ARHGAP32: variants seen among roughly 807,000 people sequenced by gnomAD.
ARHGAP32 encodes the protein rho GTPase-activating protein 32.
Under a neutral mutation model 186.5 loss-of-function variants are expected in ARHGAP32, and 51 were observed. That is an observed-to-expected ratio of 0.27 (90% CI 0.22 to 0.35). The LOEUF (loss-of-function observed/expected upper bound fraction) is 0.35. Among genes scored for constraint, ARHGAP32 ranks in the 10% least tolerant of loss-of-function variants. ARHGAP32 has a pLI of 1.00. For synonymous variants in ARHGAP32, 950 were observed against 964.3 expected (o/e 0.99, Z 0.27); for missense variants, 2,186 against 2,623.5 (o/e 0.83, Z 3.64).
chr11:129,248,255 A>G (rs947641464), intron 1 of ARHGAP32, among the ~76,000 whole-genome samples: 16 of 151,406 alleles, frequency 1.1e-4, no homozygotes, highest in African/African-American at 3.4e-4. Flanking sequence ...TATCTGATCC[A>G]GCCTATCTGA....
intron 1 of ARHGAP32, among the ~76,000 whole-genome samples, chr11:129,222,398 G>A (rs1004463907): frequency 7.9e-5 from 12 of 152,088 alleles, no homozygotes; most frequent in Admixed American, 3.9e-4. Context: ...TAAAAAAGCC[G>A]GAGAACTTCA....
chr11:129,078,195 A>G (rs1407472858), intron 6 of ARHGAP32, among the ~76,000 whole-genome samples: 3 of 152,154 alleles, frequency 2.0e-5, no homozygotes, highest in Non-Finnish European at 4.4e-5. Flanking sequence ...GGCTAGATCC[A>G]GGAGAGCAAT....
At chr11:129,110,246 G>C (rs1197764293) in intron 5 of ARHGAP32, among the ~76,000 whole-genome samples, 1 of 151,978 alleles carries the variant, frequency 6.6e-6, no homozygotes, top group Non-Finnish European at 1.5e-5. Context: ...AAAAAAATTT[G>C]GCTGTAAACA....
intron 18 of ARHGAP32, among the ~76,000 whole-genome samples, chr11:128,979,302 A>C (rs1413120570): frequency 6.6e-6 from 1 of 152,186 alleles, no homozygotes; most frequent in African/African-American, 2.4e-5. Flanking sequence ...GCAAACAAAG[A>C]AGACAAGGAT....
At chr11:129,203,175 T>C (rs1331340930) in intron 1 of ARHGAP32, 4 of 152,216 alleles carry the variant, frequency 2.6e-5, no homozygotes, top group Non-Finnish European at 4.4e-5. Context: ...CTTTATCAGA[T>C]ACATTCGAAT....
At chr11:129,193,749 A>ATATAT, upstream of ARHGAP32, among the ~76,000 whole-genome samples, 1 of 107,076 alleles carries the variant, frequency 9.3e-6, no homozygotes, top group South Asian at 2.5e-4. Context: ...ATTATATAAT[A>ATATAT]CATATAATAC....
chr11:128,979,027 T>A (rs1945632829), intron 18 of ARHGAP32, 112 bp from the exon 19 acceptor site: 2 of 948,824 alleles, frequency 2.1e-6, no homozygotes, highest in Non-Finnish European at 3.1e-6. Flanking sequence ...GAAGCATAAG[T>A]GAAACAGTAA....
intron 10 of ARHGAP32, among the ~76,000 whole-genome samples, chr11:129,061,488 G>A (rs1404911386): frequency 6.6e-6 from 1 of 152,152 alleles, no homozygotes; most frequent in East Asian, 1.9e-4. Flanking sequence ...CACAGTAAGA[G>A]ATTCATTACA....
At chr11:129,053,494 C>A (rs978086603) in intron 10 of ARHGAP32, among the ~76,000 whole-genome samples, 1 of 152,114 alleles carries the variant, frequency 6.6e-6, no homozygotes, top group Non-Finnish European at 1.5e-5. Context: ...CTATGATTCA[C>A]ACAAGTAAAC....
In ARHGAP32 at chr11:129,123,945, A is replaced by G; in HGVS notation, c.318-16T>C. ...AGTGGTGGACCTGAACGCAGAATGA[A>G]CATTTTTATCCTTGTCTTTCCTCTA... On this transcript the variant is annotated splice_polypyrimidine_tract_variant and intron_variant, in intron 3 of 22. Transcript: ENST00000682385. This position sits in a 1 kb window ranked among gnomAD's most constrained non-coding sequence, Gnocchi z 4.6. The G allele has an allele frequency of 7.8e-7, 1 of 1,288,960 alleles. No individual in the cohort carries two copies. Among genetic ancestry groups the G allele is most frequent in the Non-Finnish European group, 1.0e-6 (1 of 988,606 alleles). The allele number at this position is 1,288,960 out of a possible 1,614,324, so 79.8% of individuals were successfully genotyped here. A position where few individuals can be genotyped will look rare whatever the true frequency, so the allele number is the denominator to read the frequency against.
chr11:129,268,709 A>G (rs1015131663), intron 1 of ARHGAP32, among the ~76,000 whole-genome samples: 1 of 138,198 alleles, frequency 7.2e-6, no homozygotes, highest in Admixed American at 7.6e-5. Flanking sequence ...GAATTCCTCC[A>G]TTCTTCAAAA....
intron 11 of ARHGAP32, among the ~76,000 whole-genome samples, chr11:129,018,852 C>T (rs1033173304): frequency 2.6e-5 from 4 of 152,060 alleles, no homozygotes; most frequent in African/African-American, 9.7e-5. Context: ...AGAAATATTA[C>T]AAGTATTCTA....
At chr11:129,041,608 G>A (rs576569316) in intron 10 of ARHGAP32, among the ~76,000 whole-genome samples, 20 of 152,230 alleles carry the variant, frequency 1.3e-4, no homozygotes, top group African/African-American at 4.6e-4. Flanking sequence ...GGGAAAGTAA[G>A]AGAGAAGAAA....
At position 128,980,549 on chromosome 11, in the gene ARHGAP32, T is replaced by C; in HGVS notation, c.1976+4A>G. ...ATCCCAAAATAGGATTTAACAAATT[T>C]TACCTTTCAAGTGGGAACTCAATTA... On this transcript the variant is annotated splice_donor_region_variant and intron_variant, in intron 18 of 22. Transcript: ENST00000682385. 1 of 1,599,244 alleles carries C rather than the reference T, an allele frequency of 6.3e-7. No homozygotes were observed. The highest frequency in any genetic ancestry group is 8.5e-7 in the Non-Finnish European group (1 of 1,172,034).
intron 1 of ARHGAP32, among the ~76,000 whole-genome samples, chr11:129,174,184 G>C (rs940254876): frequency 3.3e-5 from 5 of 152,188 alleles, no homozygotes; most frequent in African/African-American, 4.8e-5. Context: ...GGTGACAGAC[G>C]GCACCTGGAA....
Position 129,109,414 on chromosome 11 carries a change from AT to A in ARHGAP32, c.444+14031del, listed in dbSNP as rs200538732. ...GTGTGGGTATCAATCCGATACACTGATTTACTTTCCTTTAGATACATATGCA... is the reference window on the plus strand; with the variant it reads ...GTGTGGGTATCAATCCGATACACTGATTACTTTCCTTTAGATACATATGCA... On this transcript the variant is annotated intron_variant, in intron 5 of 22. Coordinates refer to ENST00000682385, the MANE Select transcript of ARHGAP32 (RefSeq NM_001378024.1). Among the ~76,000 whole-genome samples the A allele has an allele frequency of 8.7e-3, 1,323 of 152,202 alleles. 13 individuals are homozygous for A. Among genetic ancestry groups the A allele is most frequent in the Non-Finnish European group, 0.01 (687 of 67,954 alleles).
At chr11:129,272,755 G>A (rs1225994242) in intron 1 of ARHGAP32, among the ~76,000 whole-genome samples, 2 of 152,206 alleles carry the variant, frequency 1.3e-5, no homozygotes, top group African/African-American at 4.8e-5. Context: ...TAGAAGACCT[G>A]TAGGCAAGAA....
chr11:129,119,180 T>C (rs1942456393), intron 5 of ARHGAP32, among the ~76,000 whole-genome samples: 1 of 151,974 alleles, frequency 6.6e-6, no homozygotes, highest in Admixed American at 6.6e-5. Context: ...CCTAGTATTC[T>C]AGGGTATCTA....
chr11:129,031,835 C>G (rs1939126016), intron 11 of ARHGAP32, among the ~76,000 whole-genome samples: 1 of 152,166 alleles, frequency 6.6e-6, no homozygotes, highest in South Asian at 2.1e-4. Context: ...CCAGGCCCTG[C>G]CAGCAGAGCA....
Sources: allele counts gnomAD v4.1 joint callset (sites outside exome capture counted in the v4.1 genomes callset), GRCh38; gene constraint gnomAD v4.1.1; non-coding constraint Gnocchi (gnomAD v3.1); transcripts MANE v1.5; gene names NCBI Gene and HGNC (gene_info 2026-07-23, HGNC 2026-07-21).